Variants in OR4D9 observed in about 807,000 individuals in gnomAD.
The protein encoded by OR4D9 is olfactory receptor family 4 subfamily D member 9, also known as olfactory receptor 4D9.
A neutral mutation model predicts 0.8 loss-of-function variants in OR4D9; 2 were observed. The observed-to-expected ratio is 2.58, with a 90% CI of 1.06 to 8.13. The LOEUF (loss-of-function observed/expected upper bound fraction) is 8.13, where lower values mean the gene tolerates loss of function less well. Among genes scored for constraint, OR4D9 ranks in the 30% most tolerant of loss-of-function variants. OR4D9 has a pLI of 0.04. For synonymous variants in OR4D9, 146 were observed against 151.2 expected (o/e 0.97, Z 0.25); for missense variants, 399 against 384.7 (o/e 1.04, Z -0.31).
At position 59,517,185 on chromosome 11, in the gene OR4D9, T is replaced by A. The variant is rs946129346; in HGVS notation, c.*1328T>A. On this transcript the variant is annotated 3_prime_UTR_variant, in exon 3 of 3. Coordinates refer to ENST00000641962, the MANE Select transcript of OR4D9 (RefSeq NM_001004711.2). ...GAGAGGTTGAGGCTGCAGTGAGCCA[T>A]GTTCACTTCACTGCACTCCAGCCTG... 1 of 151,244 alleles carries A rather than the reference T, an allele frequency of 6.6e-6. No homozygotes were observed. Among genetic ancestry groups the A allele is most frequent in the Non-Finnish European group, 1.5e-5 (1 of 67,790 alleles). 9.4% of individuals were successfully genotyped at this position (151,244 alleles called of 1,614,324 possible). A position where few individuals can be genotyped will look rare whatever the true frequency, so the allele number is the denominator to read the frequency against.
At position 59,518,391 on chromosome 11, in the gene OR4D9, G is replaced by T. The variant is rs190503481; in HGVS notation, c.*2534G>T. On this transcript the variant is annotated 3_prime_UTR_variant, in exon 3 of 3. Coordinates refer to ENST00000641962, the MANE Select transcript of OR4D9 (RefSeq NM_001004711.2). ...GCCACACTGTCATTCAGAAATGCAG[G>T]CTTCTCCCGTCTTGGGCTCCACATT... 3 of 152,288 alleles carry T rather than the reference G, an allele frequency of 2.0e-5. No homozygotes were observed. The highest frequency in any genetic ancestry group is 2.0e-4 in the Admixed American group (3 of 15,292). 9.4% of individuals were successfully genotyped at this position (152,288 alleles called of 1,614,324 possible).
chr11:59,519,594 CA>C lies in OR4D9; in HGVS notation c.*3739del, dbSNP rs1859451414. ...CCAAGAAGACAATCCTCATAGAAAGCAACTCTCACTTATTCCCAAACTTTTC... is the reference window on the plus strand; with the variant it reads ...CCAAGAAGACAATCCTCATAGAAAGCACTCTCACTTATTCCCAAACTTTTC... On this transcript the variant is annotated 3_prime_UTR_variant, in exon 3 of 3. Coordinates refer to ENST00000641962, the MANE Select transcript of OR4D9 (RefSeq NM_001004711.2). 1 of 152,144 alleles carries C rather than the reference CA, an allele frequency of 6.6e-6. No homozygotes were observed. The highest frequency in any genetic ancestry group is 1.5e-5 in the Non-Finnish European group (1 of 68,038). 9.4% of individuals were successfully genotyped at this position (152,144 alleles called of 1,614,324 possible).
intron 1 of OR4D9, among the ~76,000 whole-genome samples, chr11:59,513,315 C>T (rs189549162): frequency 6.3e-4 from 96 of 152,248 alleles, no homozygotes; most frequent in Non-Finnish European, 1.1e-3. Context: ...TCCCAAAGTG[C>T]TGGGATTACA....
rs1859440169 is a variant in OR4D9 at position 59,519,017 on chromosome 11, T to A, written c.*3160T>A. The A allele has an allele frequency of 6.6e-6, 1 of 152,154 alleles. No individual in the cohort carries two copies. Among genetic ancestry groups the A allele is most frequent in the Non-Finnish European group, 1.5e-5 (1 of 68,032 alleles). The allele number at this position is 152,154 out of a possible 1,614,324, so 9.4% of individuals were successfully genotyped here. A position where few individuals can be genotyped will look rare whatever the true frequency, so the allele number is the denominator to read the frequency against. On this transcript the variant is annotated 3_prime_UTR_variant, in exon 3 of 3. Transcript: ENST00000641962. ...TCACAGTTGGGTTACATTACAAAGATTAAGACTTTGTCTATAAAAGGATTC... is the reference window on the plus strand; with the variant it reads ...TCACAGTTGGGTTACATTACAAAGAATAAGACTTTGTCTATAAAAGGATTC...
intron 1 of OR4D9, 105 bp downstream of exon 1, chr11:59,511,851 A>C (rs1273699519): frequency 6.6e-6 from 1 of 152,198 alleles, no homozygotes; most frequent in Admixed American, 6.5e-5. Flanking sequence ...GAGGTTCAAA[A>C]TTTATTAAAG....
Position 59,515,363 on chromosome 11 carries a change from G to A in OR4D9, c.451G>A (p.Gly151Arg), listed in dbSNP as rs770185404. 2 of 1,613,852 alleles carry A rather than the reference G, an allele frequency of 1.2e-6. No homozygotes were observed. Among genetic ancestry groups the A allele is most frequent in the South Asian group, 2.2e-5 (2 of 91,072 alleles). ...CTGLIVASWV[G>R]GFVHSIAQIS... Reference sequence around the variant, plus strand: ...AGGCCTCATCGTGGCTTCCTGGGTGGGGGGCTTTGTCCACTCCATAGCGCA... The same window carrying A: ...AGGCCTCATCGTGGCTTCCTGGGTGAGGGGCTTTGTCCACTCCATAGCGCA... The change falls in exon 3 of 3, where the codon GGG becomes AGG. Residue 151 changes from glycine to arginine, a missense_variant. Physicochemically the swap from Gly to Arg is moderately radical, Grantham distance 125. Coordinates refer to ENST00000641962, the MANE Select transcript of OR4D9 (RefSeq NM_001004711.2).
chr11:59,515,347 C>G lies in OR4D9; in HGVS notation c.435C>G (p.Ile145Met). 1 of 1,613,954 alleles carries G rather than the reference C, an allele frequency of 6.2e-7. No homozygotes were observed. The highest frequency in any genetic ancestry group is 2.2e-5 in the East Asian group (1 of 44,868). The change falls in exon 3 of 3, where the codon ATC (isoleucine) becomes ATG (methionine). Residue 145 changes from isoleucine to methionine, a missense_variant. Coordinates refer to ENST00000641962, the MANE Select transcript of OR4D9 (RefSeq NM_001004711.2). ...IMSRGRCTGL[I>M]VASWVGGFVH... ...GTAGGGGGCGATGCACAGGCCTCAT[C>G]GTGGCTTCCTGGGTGGGGGGCTTTG...
At position 59,515,932 on chromosome 11, in the gene OR4D9, G is replaced by C; in HGVS notation, c.*75G>C. On this transcript the variant is annotated 3_prime_UTR_variant, in exon 3 of 3. Transcript: ENST00000641962. ...CAAAATGGGAAAGGAGCTTGTTCAT[G>C]CCCAAAACAAAGAGATACCTATGGC... 8.9e-7 allele frequency: 1 copy of C among 1,122,356 alleles called. No homozygotes were observed. The highest frequency in any genetic ancestry group is 1.2e-6 in the Non-Finnish European group (1 of 803,518). 69.5% of individuals were successfully genotyped at this position (1,122,356 alleles called of 1,614,324 possible).
Position 59,514,958 on chromosome 11 carries a change from G to A in OR4D9, c.46G>A (p.Gly16Arg). 1 of 1,613,732 alleles carries A rather than the reference G, an allele frequency of 6.2e-7. No homozygotes were observed. Among genetic ancestry groups the A allele is most frequent in the Non-Finnish European group, 8.5e-7 (1 of 1,179,846 alleles). The change falls in exon 3 of 3, where the codon GGA becomes AGA. Residue 16 changes from glycine (G) to arginine (R), a missense_variant. Transcript: ENST00000641962. Reference protein sequence around the residue: ...YTRVKEFTFLGITQSRELSQV... With the variant: ...YTRVKEFTFLRITQSRELSQV... Reference sequence around the variant, plus strand: ...CAGAGTGAAAGAATTTACCTTCCTGGGAATTACTCAGTCCCGAGAACTGAG... The same window carrying A: ...CAGAGTGAAAGAATTTACCTTCCTGAGAATTACTCAGTCCCGAGAACTGAG...
rs1859419730 is a variant in OR4D9 at position 59,517,498 on chromosome 11, G to A, written c.*1641G>A. 1 of 152,180 alleles carries A rather than the reference G, an allele frequency of 6.6e-6. No individual in the cohort carries two copies. Among genetic ancestry groups the A allele is most frequent in the Non-Finnish European group, 1.5e-5 (1 of 68,038 alleles). The allele number at this position is 152,180 out of a possible 1,614,324, so 9.4% of individuals were successfully genotyped here. A position where few individuals can be genotyped will look rare whatever the true frequency, so the allele number is the denominator to read the frequency against. ...ACTTCAAGGACATAATTTCCTCCTA[G>A]GAGAAGGAAATAATGCTGTTAGTGA... On this transcript the variant is annotated 3_prime_UTR_variant, in exon 3 of 3. Coordinates refer to ENST00000641962, the MANE Select transcript of OR4D9 (RefSeq NM_001004711.2).
chr11:59,515,068 A>C lies in OR4D9; in HGVS notation c.156A>C (p.Glu52Asp). 6.2e-7 allele frequency: 1 copy of C among 1,614,104 alleles called. No homozygotes were observed. Among genetic ancestry groups the C allele is most frequent in the Non-Finnish European group, 8.5e-7 (1 of 1,180,000 alleles). ...NFLIMVTVTC[E>D]SHLHTPMYFL... ...TCATCATGGTTACAGTTACCTGTGA[A>C]TCTCACCTTCATACGCCCATGTACT... Residue 52 changes from glutamate (E) to aspartate (D), a missense_variant, in exon 3 of 3, where the codon GAA (glutamate) becomes GAC (aspartate). Physicochemically the swap from Glu to Asp is conservative, Grantham distance 45. Coordinates refer to ENST00000641962, the MANE Select transcript of OR4D9 (RefSeq NM_001004711.2).
chr11:59,513,666 G>A (rs1295578996), intron 1 of OR4D9, among the ~76,000 whole-genome samples: 1 of 152,084 alleles, frequency 6.6e-6, no homozygotes, highest in Admixed American at 6.6e-5. Flanking sequence ...GTGAGGTGTG[G>A]TGGCTCATGC....
rs988693834 is a variant in OR4D9 at position 59,514,881 on chromosome 11, A to T, written c.-30-2A>T. The stretch of plus-strand genomic sequence containing the variant: ...ATTTAACTGCACTATTATTTCTTCC[A>T]GAGATGAACCTGATAAAGGATCTGT... On this transcript the variant is annotated splice_acceptor_variant, in intron 2 of 2. Coordinates refer to ENST00000641962, the MANE Select transcript of OR4D9 (RefSeq NM_001004711.2). LOFTEE classifies it low-confidence loss of function (5UTR_SPLICE). The T allele has an allele frequency of 1.5e-6, 2 of 1,354,828 alleles. No individual in the cohort carries two copies. The highest frequency in any genetic ancestry group is 2.9e-5 in the African/African-American group (2 of 68,978). 83.9% of individuals were successfully genotyped at this position (1,354,828 alleles called of 1,614,324 possible).
rs549363404 is a variant in OR4D9, at chr11:59,517,241, A to AAAAAG, written c.*1396_*1400dup. ...CAGATCAAGACACTTGTCAAAAAAA[A>AAAAAG]AAAAGAAAAGAAAAGACAAAAAGAA... On this transcript the variant is annotated 3_prime_UTR_variant, in exon 3 of 3. Coordinates refer to ENST00000641962, the MANE Select transcript of OR4D9 (RefSeq NM_001004711.2). 1 of 151,940 alleles carries AAAAAG rather than the reference A, an allele frequency of 6.6e-6. No homozygotes were observed. The highest frequency in any genetic ancestry group is 2.4e-5 in the African/African-American group (1 of 41,330). 9.4% of individuals were successfully genotyped at this position (151,940 alleles called of 1,614,324 possible).
chr11:59,515,031 T>C lies in OR4D9; in HGVS notation c.119T>C (p.Met40Thr), dbSNP rs368387879. The change falls in exon 3 of 3, where the codon ATG becomes ACG. Residue 40 changes from methionine (M) to threonine (T), a missense_variant. Transcript: ENST00000641962. ...TTTTTGGTGTACATGACAACTCTAATGGGAAACTTCCTCATCATGGTTACA... is the reference window on the plus strand; with the variant it reads ...TTTTTGGTGTACATGACAACTCTAACGGGAAACTTCCTCATCATGGTTACA... Reference protein sequence around the residue: ...FLFLVYMTTLMGNFLIMVTVT... With the variant: ...FLFLVYMTTLTGNFLIMVTVT... The C allele has an allele frequency of 1.9e-6, 3 of 1,614,138 alleles. No homozygotes were observed. Among genetic ancestry groups the C allele is most frequent in the Non-Finnish European group, 2.5e-6 (3 of 1,179,988 alleles).
intron 1 of OR4D9, among the ~76,000 whole-genome samples, chr11:59,513,497 T>C: frequency 6.6e-6 from 1 of 152,302 alleles, no homozygotes; most frequent in South Asian, 2.1e-4. Context: ...CAGCACAACA[T>C]TATGTTTGTG....
Position 59,515,487 on chromosome 11 carries a change from C to G in OR4D9, c.575C>G (p.Thr192Ser), listed in dbSNP as rs113146895. ...GTCCTCAAACTTGCCTGCACTGACA[C>G]CTTCACTCTGGAGCTCCTGATGATT... ...PQVLKLACTD[T>S]FTLELLMISN... The change falls in exon 3 of 3, where the codon ACC becomes AGC. Residue 192 changes from threonine to serine, a missense_variant. By Grantham distance (58) the Thr-to-Ser change is moderately conservative. Coordinates refer to ENST00000641962, the MANE Select transcript of OR4D9 (RefSeq NM_001004711.2). 5,726 of 1,614,126 alleles carry G rather than the reference C, an allele frequency of 3.5e-3. 179 individuals are homozygous for G. The African/African-American group carries it at 0.067, about 19-fold the overall frequency.
chr11:59,518,602 G>C lies in OR4D9; in HGVS notation c.*2745G>C, dbSNP rs187613871. 1 of 152,284 alleles carries C rather than the reference G, an allele frequency of 6.6e-6. No homozygotes were observed. The highest frequency in any genetic ancestry group is 1.9e-4 in the East Asian group (1 of 5,186). The allele number at this position is 152,284 out of a possible 1,614,324, so 9.4% of individuals were successfully genotyped here. A position where few individuals can be genotyped will look rare whatever the true frequency, so the allele number is the denominator to read the frequency against. On this transcript the variant is annotated 3_prime_UTR_variant, in exon 3 of 3. Coordinates refer to ENST00000641962, the MANE Select transcript of OR4D9 (RefSeq NM_001004711.2). ...GAGGTCTCACTAAGTTGCCCAGGCT[G>C]GTTGAAATTCTTGGACTCAAATGAT...
intron 1 of OR4D9, among the ~76,000 whole-genome samples, chr11:59,514,134 T>C (rs1166222351): frequency 6.6e-6 from 1 of 152,232 alleles, no homozygotes; most frequent in Non-Finnish European, 1.5e-5. Context: ...TACATGTAGA[T>C]ATATACATAT....
Sources: allele counts gnomAD v4.1 joint callset (sites outside exome capture counted in the v4.1 genomes callset), GRCh38; gene constraint gnomAD v4.1.1; transcripts MANE v1.5; gene names NCBI Gene and HGNC (gene_info 2026-07-23, HGNC 2026-07-21).